BMPER: variants seen among roughly 807,000 people sequenced by gnomAD.
BMPER encodes the protein BMP-binding endothelial regulator protein.
In BMPER, 45 loss-of-function variants were observed where a neutral mutation model predicts 87.3. That is an observed-to-expected ratio of 0.52 (90% CI 0.41 to 0.66). The LOEUF is 0.66. Ranked by LOEUF, BMPER falls within the 30% of genes least tolerant of loss-of-function variation. The pLI, the probability that BMPER is intolerant of heterozygous loss-of-function variation, is 0.00. For synonymous variants in BMPER, 326 were observed against 316.2 expected (o/e 1.03, Z -0.33); for missense variants, 784 against 867.5 (o/e 0.90, Z 1.21).
chr7:34,103,282 G>C (rs560715431), intron 13 of BMPER, among the ~76,000 whole-genome samples: 1 of 152,280 alleles, frequency 6.6e-6, no homozygotes, highest in South Asian at 2.1e-4. Context: ...CTATTGAAAA[G>C]CTAGTGTTGG....
chr7:33,907,163 C>G (rs1040990952), intron 2 of BMPER, among the ~76,000 whole-genome samples: 1 of 151,946 alleles, frequency 6.6e-6, no homozygotes, highest in African/African-American at 2.4e-5. Context: ...TGTATGACGT[C>G]TCGGTGAAAT....
At chr7:34,107,926 T>C (rs1789865435) in intron 13 of BMPER, among the ~76,000 whole-genome samples, 1 of 152,212 alleles carries the variant, frequency 6.6e-6, no homozygotes. Flanking sequence ...ATCTATAAAA[T>C]GCATATAATC....
At chr7:33,997,192 A>G (rs187471661) in intron 6 of BMPER, among the ~76,000 whole-genome samples, 111 of 152,292 alleles carry the variant, frequency 7.3e-4, no homozygotes, top group Middle Eastern at 3.4e-3. Flanking sequence ...TCTAAGTGTC[A>G]TGTCCCCCTC....
In BMPER at chr7:34,066,290, G is replaced by A. The variant is rs566234012; in HGVS notation, c.1078+4243G>A. ...CAGTAAGACAGTTTTTGTAGGGTTGGCCTGAAGGAGCAATGATGATTCTCT... is the reference window on the plus strand; with the variant it reads ...CAGTAAGACAGTTTTTGTAGGGTTGACCTGAAGGAGCAATGATGATTCTCT... On this transcript the variant is annotated intron_variant, in intron 11 of 14. Transcript: ENST00000649409. Among the ~76,000 whole-genome samples the A allele has an allele frequency of 2.9e-4, 44 of 152,302 alleles. No individual in the cohort carries two copies. In the South Asian group the frequency reaches 6.6e-3, roughly 23 times the overall value.
At chr7:33,978,612 C>G (rs1785756874) in intron 6 of BMPER, among the ~76,000 whole-genome samples, 1 of 152,240 alleles carries the variant, frequency 6.6e-6, no homozygotes, top group Non-Finnish European at 1.5e-5. Context: ...CCTCAAGTGG[C>G]AAAGTGGTCT....
At chr7:33,905,508 T>A, upstream of BMPER, 2 of 1,279,116 alleles carry the variant, frequency 1.6e-6, no homozygotes, top group Non-Finnish European at 2.0e-6. Flanking sequence ...TCGCGGACGG[T>A]CTCCCGACAC....
At chr7:34,002,646 A>G (rs1258672408) in intron 6 of BMPER, among the ~76,000 whole-genome samples, 1 of 151,626 alleles carries the variant, frequency 6.6e-6, no homozygotes, top group Admixed American at 6.6e-5. Context: ...TTATTTTTGT[A>G]GTTTCTTTCT....
intron 6 of BMPER, among the ~76,000 whole-genome samples, chr7:33,999,984 G>T (rs1472262643): frequency 1.3e-5 from 2 of 152,198 alleles, no homozygotes; most frequent in Non-Finnish European, 2.9e-5. Flanking sequence ...TAATGATCAA[G>T]ATAGAGTTTT....
chr7:34,081,598 C>T (rs1353239670), intron 12 of BMPER, among the ~76,000 whole-genome samples: 1 of 152,202 alleles, frequency 6.6e-6, no homozygotes, highest in East Asian at 1.9e-4. Flanking sequence ...CCACACACTC[C>T]CACCCCAACT....
intron 13 of BMPER, among the ~76,000 whole-genome samples, chr7:34,127,338 G>T (rs1370008554): frequency 6.6e-6 from 1 of 152,142 alleles, no homozygotes; most frequent in Non-Finnish European, 1.5e-5. Context: ...GTGTGATGGA[G>T]CTGGCTTCTA....
intron 13 of BMPER, among the ~76,000 whole-genome samples, chr7:34,120,819 A>G (rs184761097): frequency 2.6e-5 from 4 of 152,346 alleles, no homozygotes; most frequent in Admixed American, 2.0e-4. Flanking sequence ...ATATACTGAT[A>G]TGAATGTGCA....
chr7:34,019,906 A>C (rs1787133712), intron 6 of BMPER, among the ~76,000 whole-genome samples: 1 of 150,586 alleles, frequency 6.6e-6, no homozygotes, highest in African/African-American at 2.4e-5. Context: ...ATCTGGCTAT[A>C]GTTGGGGATG....
At chr7:33,941,506 T>C (rs1784765497) in intron 3 of BMPER, among the ~76,000 whole-genome samples, 1 of 152,136 alleles carries the variant, frequency 6.6e-6, no homozygotes. Context: ...TAATGTAGAA[T>C]CACTGAGAGC....
At chr7:34,066,990 A>AC (rs1788610000) in intron 11 of BMPER, among the ~76,000 whole-genome samples, 1 of 152,208 alleles carries the variant, frequency 6.6e-6, no homozygotes, top group South Asian at 2.1e-4. Flanking sequence ...ACCTGTAGCT[A>AC]CATCAGACCT....
chr7:34,003,601 T>TAGGA (rs1484399045), intron 6 of BMPER, among the ~76,000 whole-genome samples: 1 of 152,082 alleles, frequency 6.6e-6, no homozygotes, highest in Non-Finnish European at 1.5e-5. Context: ...TATTTTTATG[T>TAGGA]AGGGCATATC....
chr7:34,088,282 G>C (rs1215002491), intron 13 of BMPER, among the ~76,000 whole-genome samples: 3 of 152,218 alleles, frequency 2.0e-5, no homozygotes, highest in Non-Finnish European at 4.4e-5. Context: ...AGGAAGGAGA[G>C]CTGGGCAATT....
At chr7:33,939,462 A>T (rs1381128688) in intron 3 of BMPER, among the ~76,000 whole-genome samples, 8 of 152,130 alleles carry the variant, frequency 5.3e-5, no homozygotes, top group Non-Finnish European at 1.2e-4. Flanking sequence ...GGAGGTCAAG[A>T]ATCCTGCCCT....
At chr7:33,927,408 C>T (rs1369274774) in intron 2 of BMPER, among the ~76,000 whole-genome samples, 1 of 152,170 alleles carries the variant, frequency 6.6e-6, no homozygotes, top group Non-Finnish European at 1.5e-5. Flanking sequence ...GTTTTGCCAC[C>T]ACCAATTGCC....
chr7:34,047,242 T>G (rs184558926), intron 7 of BMPER, among the ~76,000 whole-genome samples: 1 of 152,174 alleles, frequency 6.6e-6, no homozygotes. Context: ...TGGCTTTTGC[T>G]TATATGCTAC....
Sources: gnomAD v4.1 joint callset for allele counts (sites outside exome capture counted in the v4.1 genomes callset) on GRCh38, gnomAD v4.1.1 for gene constraint, MANE v1.5 for transcripts, NCBI Gene and HGNC (gene_info 2026-07-23, HGNC 2026-07-21) for gene names.